PDE1C: variants seen among roughly 807,000 people sequenced by gnomAD.
PDE1C encodes phosphodiesterase 1C.
A neutral mutation model predicts 93.1 loss-of-function variants in PDE1C; 62 were observed. That is an observed-to-expected ratio of 0.67 (90% confidence interval 0.54 to 0.82). The LOEUF (loss-of-function observed/expected upper bound fraction) is 0.82, where lower values mean the gene tolerates loss of function less well. Among genes scored for constraint, PDE1C ranks in the 40% least tolerant of loss-of-function variants. The probability of loss-of-function intolerance (pLI) is 0.00; values close to 1 mark genes in which losing one functional copy is unlikely to be tolerated. For synonymous variants in PDE1C, 325 were observed against 310.1 expected, an observed-to-expected ratio of 1.05 and a Z score of -0.50; for missense variants, 742 against 884.6, an observed-to-expected ratio of 0.84 and a Z score of 2.04.
intron 1 of PDE1C, among the ~76,000 whole-genome samples, chr7:32,057,540 C>T (rs1016650755): frequency 2.0e-5 from 3 of 152,170 alleles, no homozygotes; most frequent in African/African-American, 7.2e-5. Context: ...GCACTGACCT[C>T]CAGTATTTAA....
At chr7:32,411,588 T>C (rs1224236091) in intron 1 of PDE1C, among the ~76,000 whole-genome samples, 1 of 152,180 alleles carries the variant, frequency 6.6e-6, no homozygotes, top group Admixed American at 6.5e-5. Flanking sequence ...GGTGAGTCAG[T>C]GAGTGAATGG....
At chr7:32,002,124 C>A (rs1260850014) in intron 2 of PDE1C, among the ~76,000 whole-genome samples, 1 of 152,148 alleles carries the variant, frequency 6.6e-6, no homozygotes, top group Non-Finnish European at 1.5e-5. Context: ...CCAGTAAAAA[C>A]TGCAGTGGGA....
chr7:31,704,746 C>T, the PDE1C span, among the ~76,000 whole-genome samples: 232 of 152,282 alleles, frequency 1.5e-3, no homozygotes, highest in African/African-American at 5.2e-3. Flanking sequence ...TAAACTGAGG[C>T]TCAGGTAGGT....
At chr7:31,738,611 C>T in the PDE1C span, among the ~76,000 whole-genome samples, 1 of 152,164 alleles carries the variant, frequency 6.6e-6, no homozygotes, top group South Asian at 2.1e-4. Flanking sequence ...CTAGGAGAGG[C>T]ATTTCTGCAA....
At chr7:32,129,483 G>C (rs1563337221) in intron 3 of PDE1C, among the ~76,000 whole-genome samples, 4 of 124,454 alleles carry the variant, frequency 3.2e-5, no homozygotes, top group South Asian at 4.6e-4. Flanking sequence ...GCATATTAAT[G>C]TAAATGTAAC....
the PDE1C span, chr7:31,643,423 G>C: frequency 1.2e-6 from 2 of 1,613,928 alleles, no homozygotes; most frequent in Non-Finnish European, 1.7e-6. Context: ...TGGTACTTTG[G>C]GTCAGATACT....
the PDE1C span, chr7:31,692,357 A>C: frequency 2.8e-6 from 3 of 1,083,536 alleles, no homozygotes; most frequent in South Asian, 4.2e-5. Context: ...TGATTGAATG[A>C]ATGAATAAAC....
the PDE1C span, among the ~76,000 whole-genome samples, chr7:31,705,149 G>A: frequency 6.6e-6 from 1 of 152,106 alleles, no homozygotes; most frequent in Non-Finnish European, 1.5e-5. Context: ...CTTTGAGAAG[G>A]GCTGGCTGTG....
chr7:32,103,447 G>T (rs1350369079), intron 3 of PDE1C, among the ~76,000 whole-genome samples: 1 of 152,172 alleles, frequency 6.6e-6, no homozygotes, highest in Non-Finnish European at 1.5e-5. Context: ...GCAGCCAGAC[G>T]GATGCCTCTC....
intron 15 of PDE1C, among the ~76,000 whole-genome samples, chr7:31,815,344 AT>A (rs750419007): frequency 2.0e-5 from 3 of 152,148 alleles, no homozygotes; most frequent in Non-Finnish European, 4.4e-5. Context: ...TATTTGTTGC[AT>A]TAAATATAAG....
chr7:31,995,745 G>A (rs1784640321), intron 2 of PDE1C, among the ~76,000 whole-genome samples: 2 of 151,980 alleles, frequency 1.3e-5, no homozygotes, highest in South Asian at 4.2e-4. Context: ...AGAGCTGACG[G>A]GCCAACTGGT....
chr7:32,121,422 T>C (rs1192639046), intron 3 of PDE1C, among the ~76,000 whole-genome samples: 1 of 151,144 alleles, frequency 6.6e-6, no homozygotes, highest in Non-Finnish European at 1.5e-5. Flanking sequence ...CCAAGACACA[T>C]AATCGTCAGA....
At chr7:31,869,699 A>G (rs1795700744) in intron 6 of PDE1C, among the ~76,000 whole-genome samples, 2 of 152,106 alleles carry the variant, frequency 1.3e-5, no homozygotes, top group Non-Finnish European at 2.9e-5. Flanking sequence ...CTATCATAGC[A>G]TCAAACAGAA....
intron 1 of PDE1C, among the ~76,000 whole-genome samples, chr7:32,240,436 T>C (rs1018796652): frequency 6.6e-6 from 1 of 152,172 alleles, no homozygotes; most frequent in Non-Finnish European, 1.5e-5. Context: ...AACAAACAGA[T>C]ACATATTTAA....
chr7:31,958,262 C>A (rs1808435121), intron 2 of PDE1C, among the ~76,000 whole-genome samples: 1 of 152,176 alleles, frequency 6.6e-6, no homozygotes, highest in Admixed American at 6.5e-5. Flanking sequence ...CCAACCAACA[C>A]CCATAATGGT....
chr7:32,374,256 G>GAAGGAAGA lies in PDE1C; in HGVS notation c.310+53565_310+53566insTCTTCCTT, dbSNP rs1554314008. 9.7e-5 allele frequency among the ~76,000 whole-genome samples: 11 copies of GAAGGAAGA among 113,340 alleles called. No individual in the cohort carries two copies. In the East Asian group the frequency reaches 3.0e-3, roughly 31 times the overall value. 74.4% of individuals were successfully genotyped at this position (113,340 alleles called of 152,430 possible). On this transcript the variant is annotated intron_variant, in intron 1 of 1. Coordinates refer to the PDE1C transcript ENST00000672256. ...AAAGAAAGAAGGAAGGAAAGGAAAG[G>GAAGGAAGA]AAGAAAGAAAGAAAGAAAGAAAGAA...
At chr7:31,931,351 C>T (rs1001820980) in intron 2 of PDE1C, among the ~76,000 whole-genome samples, 4 of 152,150 alleles carry the variant, frequency 2.6e-5, no homozygotes, top group African/African-American at 7.2e-5. Context: ...ATTGTCTCAG[C>T]CCAAAAACTC....
chr7:32,299,044 G>C (rs938889008), exon 1 of PDE1C: 1 of 1,151,164 alleles, frequency 8.7e-7, no homozygotes, highest in Non-Finnish European at 1.1e-6. Context: ...GCGCGTGGAC[G>C]GGGCTGACCG....
chr7:31,890,123 T>A (rs1458536403), intron 2 of PDE1C, among the ~76,000 whole-genome samples: 1 of 152,008 alleles, frequency 6.6e-6, no homozygotes, highest in Non-Finnish European at 1.5e-5. Context: ...TTCTTCTGGG[T>A]GAAGAAATAA....
Sources: gnomAD v4.1 joint callset for allele counts (sites outside exome capture counted in the v4.1 genomes callset) on GRCh38, gnomAD v4.1.1 for gene constraint, MANE v1.5 for transcripts, NCBI Gene and HGNC (gene_info 2026-07-23, HGNC 2026-07-21) for gene names.